The following DNM1L variants were observed in gnomAD, a reference collection of about 807,000 sequenced individuals.
The protein encoded by DNM1L is dynamin 1L, also known as dynamin-1-like protein.
DNM1L carries 33 observed loss-of-function variants against 92.8 expected under a neutral mutation model. That is an observed-to-expected ratio of 0.36 (90% confidence interval 0.27 to 0.48). The LOEUF is 0.48. Among genes scored for constraint, DNM1L ranks in the 20% least tolerant of loss-of-function variants. The probability of loss-of-function intolerance (pLI) is 0.99; values close to 1 mark genes in which losing one functional copy is unlikely to be tolerated. For synonymous variants in DNM1L, 284 were observed against 305.0 expected (o/e 0.93, Z 0.72); for missense variants, 485 against 888.8 (o/e 0.55, Z 5.78).
In DNM1L at chr12:32,733,693, G is replaced by A. The variant is rs115282768; in HGVS notation, c.1447-22G>A. On this transcript the variant is annotated intron_variant, in intron 12 of 19. Coordinates refer to ENST00000549701, the MANE Select transcript of DNM1L (RefSeq NM_012062.5). ...TATGGTTGATGTATTTTTGTATATC[G>A]CCTAACTTACTTTTTTTCTAGGTCC... The A allele has an allele frequency of 4.2e-4, 675 of 1,596,024 alleles. 6 individuals are homozygous for A. The African/African-American group carries it at 8.4e-3, about 20-fold the overall frequency.
intron 1 of DNM1L, among the ~76,000 whole-genome samples, chr12:32,698,353 A>G (rs903492315): frequency 3.9e-5 from 6 of 152,256 alleles, no homozygotes; most frequent in African/African-American, 1.4e-4. Context: ...CCCCCATCTC[A>G]TACATTCTGT....
At chr12:32,722,209 A>C (rs971657354) in intron 8 of DNM1L, among the ~76,000 whole-genome samples, 2 of 152,194 alleles carry the variant, frequency 1.3e-5, no homozygotes, top group Non-Finnish European at 2.9e-5. Flanking sequence ...ATTAGCATGC[A>C]GAGACACTCT....
At chr12:32,718,250 T>C (rs1340883464) in intron 6 of DNM1L, among the ~76,000 whole-genome samples, 1 of 150,758 alleles carries the variant, frequency 6.6e-6, no homozygotes, top group East Asian at 1.9e-4. Flanking sequence ...CAAGCAATTC[T>C]CCTGCTTCAG....
At chr12:32,687,559 C>T (rs1395932471) in intron 1 of DNM1L, among the ~76,000 whole-genome samples, 1 of 152,076 alleles carries the variant, frequency 6.6e-6, no homozygotes, top group Admixed American at 6.5e-5. Flanking sequence ...TCTTCTGCCT[C>T]ATCCTCCCAA....
At chr12:32,739,757 G>A (rs1405543771) in intron 16 of DNM1L, 3 of 335,460 alleles carry the variant, frequency 8.9e-6, no homozygotes, top group Non-Finnish European at 1.7e-5. Flanking sequence ...ACAATTTAGT[G>A]TTTGAAGGGT....
At chr12:32,738,338 T>A in intron 16 of DNM1L, 42 bp downstream of exon 16, 2 of 1,609,786 alleles carry the variant, frequency 1.2e-6, no homozygotes, top group Non-Finnish European at 1.7e-6. Flanking sequence ...GTACCTTTGG[T>A]TCTCACTGAA....
At chr12:32,712,805 G>T (rs571810862) in intron 5 of DNM1L, among the ~76,000 whole-genome samples, 7 of 151,888 alleles carry the variant, frequency 4.6e-5, no homozygotes, top group African/African-American at 1.7e-4. Context: ...TAAAACATAA[G>T]TTCTACGAAG....
At chr12:32,698,260 C>T (rs1952553304) in intron 1 of DNM1L, among the ~76,000 whole-genome samples, 1 of 152,144 alleles carries the variant, frequency 6.6e-6, no homozygotes, top group East Asian at 1.9e-4. Flanking sequence ...CCTATGTCGT[C>T]TGTCTTCTGA....
At chr12:32,695,349 AAAAC>A (rs1334419783) in intron 1 of DNM1L, among the ~76,000 whole-genome samples, 1 of 152,222 alleles carries the variant, frequency 6.6e-6, no homozygotes, top group East Asian at 1.9e-4. Context: ...ACATACTTAG[AAAAC>A]AAACAAAAAC....
At chr12:32,682,449 C>A (rs11052167) in intron 1 of DNM1L, among the ~76,000 whole-genome samples, 23,590 of 152,076 alleles carry the variant, frequency 0.16, 1,925 homozygotes, top group African/African-American at 0.21. Flanking sequence ...CACTTTGAAA[C>A]TAAGTTTCCT....
intron 12 of DNM1L, 87 bp downstream of exon 12, chr12:32,732,030 G>C (rs1382146541): frequency 3.1e-6 from 3 of 959,592 alleles, no homozygotes; most frequent in Non-Finnish European, 5.0e-6. Flanking sequence ...GCATTATATG[G>C]TTACTTTAGA....
intron 1 of DNM1L, 22 bp from the exon 2 acceptor site, chr12:32,701,393 C>G (rs757736473): frequency 1.2e-6 from 2 of 1,610,890 alleles, no homozygotes; most frequent in African/African-American, 2.7e-5. Context: ...TCATTTTGCT[C>G]TTGTATATAT....
At chr12:32,706,004 T>C (rs1952910911) in intron 2 of DNM1L, 2 of 697,612 alleles carry the variant, frequency 2.9e-6, no homozygotes, top group South Asian at 6.6e-5. Flanking sequence ...TTAGTGGTTC[T>C]TGTTATTTTT....
Position 32,722,412 on chromosome 12 carries a change from T to A in DNM1L, c.873-15T>A. On this transcript the variant is annotated splice_polypyrimidine_tract_variant and intron_variant, in intron 8 of 19. Transcript: ENST00000549701. The stretch of plus-strand genomic sequence containing the variant: ...CAATTTTACTTTTAAATCCTTCCTT[T>A]CTAACCTTTTTTAGGTTACTGATGC... The A allele has an allele frequency of 6.2e-7, 1 of 1,608,158 alleles. No individual in the cohort carries two copies. The highest frequency in any genetic ancestry group is 8.5e-7 in the Non-Finnish European group (1 of 1,177,072).
intron 6 of DNM1L, among the ~76,000 whole-genome samples, chr12:32,716,907 T>C (rs1953406508): frequency 6.8e-6 from 1 of 146,964 alleles, no homozygotes; most frequent in South Asian, 2.1e-4. Flanking sequence ...TTAACATGGT[T>C]AAACACCTAG....
chr12:32,702,357 A>G (rs898736620), intron 2 of DNM1L, among the ~76,000 whole-genome samples: 8 of 152,158 alleles, frequency 5.3e-5, no homozygotes, highest in Non-Finnish European at 1.0e-4. Context: ...TGCTTACCAA[A>G]TATGTATCCT....
chr12:32,742,440 C>CA, intron 18 of DNM1L, 149 bp from the exon 19 acceptor site: 1 of 1,029,242 alleles, frequency 9.7e-7, no homozygotes. Flanking sequence ...TACAGTTAAG[C>CA]AAAAATCTAA....
chr12:32,709,080 T>C (rs1953028753), intron 4 of DNM1L, among the ~76,000 whole-genome samples: 1 of 152,182 alleles, frequency 6.6e-6, no homozygotes, highest in Admixed American at 6.5e-5. Flanking sequence ...TTTAGAGTCA[T>C]GTTAACCTTT....
intron 7 of DNM1L, 111 bp from the exon 8 acceptor site, chr12:32,720,553 A>G: frequency 6.8e-7 from 1 of 1,477,806 alleles, no homozygotes; most frequent in Non-Finnish European, 9.4e-7. Context: ...TGAGAATTAA[A>G]TAAAACAGTC....
Sources: gnomAD v4.1 joint callset for allele counts (sites outside exome capture counted in the v4.1 genomes callset) on GRCh38, gnomAD v4.1.1 for gene constraint, MANE v1.5 for transcripts, NCBI Gene and HGNC (gene_info 2026-07-23, HGNC 2026-07-21) for gene names.